The following DPYD variants were observed in gnomAD, a reference collection of about 807,000 sequenced individuals.
DPYD encodes dihydropyrimidine dehydrogenase [NADP(+)].
Under a neutral mutation model 116.2 loss-of-function variants are expected in DPYD, and 109 were observed. The ratio of observed to expected loss-of-function variants is 0.94; its 90% confidence interval spans 0.80 to 1.10. The LOEUF is 1.10. Ranked by LOEUF, DPYD falls within the 50% of genes least tolerant of loss-of-function variation. The probability of loss-of-function intolerance (pLI) is 0.00; values close to 1 mark genes in which losing one functional copy is unlikely to be tolerated. For missense variants in DPYD, 1,302 were observed against 1,254.5 expected, an observed-to-expected ratio of 1.04 and a Z score of -0.57; for synonymous variants, 440 against 432.0, an observed-to-expected ratio of 1.02 and a Z score of -0.23.
chr1:97,450,203 G>A lies in DPYD; in HGVS notation c.1761C>T (p.Ser587=), dbSNP rs1480477920. 6.2e-7 allele frequency: 1 copy of A among 1,613,548 alleles called. No individual in the cohort carries two copies. Among genetic ancestry groups the A allele is most frequent in the South Asian group, 1.1e-5 (1 of 91,060 alleles). Reference sequence around the variant, plus strand: ...AGGTGGTTCCCCGGATGATTCTGGGGGAAACATTTGTCACAATGTCCTGAT... The same window carrying A: ...AGGTGGTTCCCCGGATGATTCTGGGAGAAACATTTGTCACAATGTCCTGAT... ...SLDKDIVTNV[S]PRIIRGTTSG... is the part of the protein sequence containing the mutation. The change falls in exon 14 of 23, where the codon TCC becomes TCT. Residue 587 remains serine (S), a synonymous_variant. Transcript: ENST00000370192.
intron 13 of DPYD, among the ~76,000 whole-genome samples, chr1:97,499,731 G>A (rs1313301364): frequency 2.0e-5 from 3 of 151,772 alleles, no homozygotes; most frequent in Middle Eastern, 3.4e-3. Flanking sequence ...ATTTAATTTA[G>A]GCCTTCTTAT....
intron 16 of DPYD, among the ~76,000 whole-genome samples, chr1:97,371,684 G>A (rs1404252355): frequency 3.3e-5 from 5 of 152,170 alleles, no homozygotes; most frequent in Non-Finnish European, 7.4e-5. Context: ...CTCAGGCAGA[G>A]AAATCATTTA....
At chr1:97,340,123 C>G (rs1669516685) in intron 16 of DPYD, among the ~76,000 whole-genome samples, 1 of 151,658 alleles carries the variant, frequency 6.6e-6, no homozygotes, top group Non-Finnish European at 1.5e-5. Flanking sequence ...AGTAAATAAA[C>G]AGTAAACACA....
At chr1:97,539,539 T>C (rs1301255372) in intron 12 of DPYD, among the ~76,000 whole-genome samples, 2 of 152,188 alleles carry the variant, frequency 1.3e-5, no homozygotes, top group African/African-American at 2.4e-5. Flanking sequence ...AACATGTACA[T>C]TTAGTTGTTC....
intron 14 of DPYD, among the ~76,000 whole-genome samples, chr1:97,388,892 A>C (rs1200226994): frequency 6.6e-6 from 1 of 152,102 alleles, no homozygotes; most frequent in Non-Finnish European, 1.5e-5. Context: ...TGATGAATCG[A>C]GAGTACAAGT....
chr1:97,661,699 G>A (rs1175522514), intron 8 of DPYD, among the ~76,000 whole-genome samples: 1 of 151,984 alleles, frequency 6.6e-6, no homozygotes, highest in Admixed American at 6.6e-5. Context: ...GTAAGAAAAA[G>A]GGAATGAATT....
At chr1:97,322,395 T>C (rs977289313) in intron 16 of DPYD, among the ~76,000 whole-genome samples, 3 of 151,968 alleles carry the variant, frequency 2.0e-5, no homozygotes, top group Admixed American at 6.6e-5. Context: ...ATATCCCTTT[T>C]TGAGGTAAAT....
At chr1:97,648,402 A>G (rs563973219) in intron 8 of DPYD, among the ~76,000 whole-genome samples, 1 of 152,032 alleles carries the variant, frequency 6.6e-6, no homozygotes, top group Non-Finnish European at 1.5e-5. Context: ...TTTGTGGATC[A>G]TCTCAATAGA....
intron 13 of DPYD, among the ~76,000 whole-genome samples, chr1:97,478,403 TC>T (rs937681969): frequency 9.8e-5 from 15 of 152,336 alleles, no homozygotes; most frequent in African/African-American, 3.6e-4. Context: ...TTCTCCTGCC[TC>T]AGCCTCCCAA....
At chr1:97,252,387 T>C (rs1293036904) in intron 18 of DPYD, among the ~76,000 whole-genome samples, 1 of 152,242 alleles carries the variant, frequency 6.6e-6, no homozygotes, top group Non-Finnish European at 1.5e-5. Context: ...CTGTGTCTAA[T>C]GCACATATCT....
chr1:97,104,912 A>G (rs2101610961), intron 20 of DPYD, among the ~76,000 whole-genome samples: 1 of 152,258 alleles, frequency 6.6e-6, no homozygotes, highest in Admixed American at 6.5e-5. Flanking sequence ...CCAGCAAAGG[A>G]TGATGGAAAT....
intron 12 of DPYD, chr1:97,546,946 G>A: frequency 1.2e-6 from 2 of 1,603,322 alleles, no homozygotes; most frequent in East Asian, 2.2e-5. Flanking sequence ...AGAGGAGGAA[G>A]AGGAAGATGA....
intron 1 of DPYD, among the ~76,000 whole-genome samples, chr1:97,905,622 T>A (rs983695913): frequency 6.6e-6 from 1 of 152,054 alleles, no homozygotes; most frequent in African/African-American, 2.4e-5. Context: ...AGAGAAGTGA[T>A]TGATGATATC....
chr1:97,801,276 C>T (rs2101333711), intron 3 of DPYD, among the ~76,000 whole-genome samples: 1 of 151,948 alleles, frequency 6.6e-6, no homozygotes, highest in Non-Finnish European at 1.5e-5. Flanking sequence ...TCTACTGGCT[C>T]CTTGATCTGA....
At chr1:97,689,851 A>G (rs1344242728) in intron 7 of DPYD, among the ~76,000 whole-genome samples, 2 of 152,120 alleles carry the variant, frequency 1.3e-5, no homozygotes, top group Non-Finnish European at 2.9e-5. Flanking sequence ...TCTCACTGCT[A>G]TCTTTCCTCA....
intron 20 of DPYD, among the ~76,000 whole-genome samples, chr1:97,102,004 C>A (rs991557261): frequency 6.6e-6 from 1 of 151,894 alleles, no homozygotes; most frequent in Admixed American, 6.6e-5. Context: ...CATTACATTG[C>A]CGATAGAAAA....
chr1:97,528,457 T>C (rs1649319325), intron 12 of DPYD, among the ~76,000 whole-genome samples: 1 of 152,176 alleles, frequency 6.6e-6, no homozygotes, highest in Admixed American at 6.5e-5. Flanking sequence ...GGCATAATGG[T>C]CAGCATATCT....
intron 13 of DPYD, among the ~76,000 whole-genome samples, chr1:97,489,930 A>AT (rs1297206940): frequency 6.6e-6 from 1 of 152,152 alleles, no homozygotes; most frequent in Non-Finnish European, 1.5e-5. Flanking sequence ...TACCTATAAT[A>AT]TTTTTTGAGG....
At chr1:97,187,259 A>G (rs1658064028) in intron 20 of DPYD, among the ~76,000 whole-genome samples, 1 of 152,010 alleles carries the variant, frequency 6.6e-6, no homozygotes, top group African/African-American at 2.4e-5. Context: ...TTGACTTTTT[A>G]GTAAGAGCCA....
Sources: gnomAD v4.1 joint callset for allele counts (sites outside exome capture counted in the v4.1 genomes callset) on GRCh38, gnomAD v4.1.1 for gene constraint, MANE v1.5 for transcripts, NCBI Gene and HGNC (gene_info 2026-07-23, HGNC 2026-07-21) for gene names.